Variants in ACTN2 observed in about 807,000 individuals in gnomAD.
ACTN2 encodes the protein alpha-actinin-2.
A neutral mutation model predicts 113.8 loss-of-function variants in ACTN2; 39 were observed. The observed-to-expected ratio is 0.34, with a 90% confidence interval of 0.27 to 0.45. The LOEUF (loss-of-function observed/expected upper bound fraction) is 0.45, where lower values mean the gene tolerates loss of function less well. ACTN2 is among the 20% of genes least tolerant of loss of function. The probability of loss-of-function intolerance (pLI) is 1.00; values close to 1 mark genes in which losing one functional copy is unlikely to be tolerated. For synonymous variants in ACTN2, 429 were observed against 444.1 expected (o/e 0.97, Z 0.43); for missense variants, 992 against 1,177.9 (o/e 0.84, Z 2.31).
intron 20 of ACTN2, among the ~76,000 whole-genome samples, chr1:236,761,432 CGTGTGTGT>C (rs3831321): frequency 2.9e-4 from 43 of 150,072 alleles, no homozygotes; most frequent in Admixed American, 5.3e-4. Context: ...TTTGTACTTG[CGTGTGTGT>C]GTGTGTGTGT....
intron 1 of ACTN2, among the ~76,000 whole-genome samples, chr1:236,692,677 C>T (rs1054337039): frequency 6.6e-6 from 1 of 152,110 alleles, no homozygotes; most frequent in Non-Finnish European, 1.5e-5. Flanking sequence ...AGTTCTGAGG[C>T]ACAAAAAACA....
chr1:236,755,035 C>T lies in ACTN2; in HGVS notation c.1991C>T (p.Ser664Phe). 1.2e-6 allele frequency: 2 copies of T among 1,614,210 alleles called. No homozygotes were observed. Among genetic ancestry groups the T allele is most frequent in the South Asian group, 1.1e-5 (1 of 91,078 alleles). ...QNKMEEIARSSIQITGALEDQ... is the reference protein window; with the variant it reads ...QNKMEEIARSFIQITGALEDQ... ...CCCCCTCAGGAGATTGCCCGGAGCT[C>T]CATCCAGATCACAGGAGCCCTGGAA... The change falls in exon 17 of 21, where the codon TCC becomes TTC. Residue 664 changes from serine (S) to phenylalanine (F), a missense_variant. Physicochemically the swap from Ser to Phe is radical, Grantham distance 155 (BLOSUM62 -2). Transcript: ENST00000366578.
chr1:236,737,715 G>C (rs1002438975), intron 9 of ACTN2, among the ~76,000 whole-genome samples: 1 of 152,130 alleles, frequency 6.6e-6, no homozygotes, highest in Non-Finnish European at 1.5e-5. Flanking sequence ...GAAATCTGGG[G>C]AAGACAGAGC....
intron 12 of ACTN2, 79 bp downstream of exon 12, chr1:236,744,855 T>G: frequency 6.2e-7 from 1 of 1,601,310 alleles, no homozygotes; most frequent in Non-Finnish European, 8.5e-7. Context: ...GCCTTGCCTT[T>G]CCTGACTAAA....
chr1:236,740,539 ATTTT>A lies in ACTN2; in HGVS notation c.1107+1009_1107+1012del, dbSNP rs148967847. 2.8e-3 allele frequency among the ~76,000 whole-genome samples: 427 copies of A among 150,918 alleles called. 4 individuals carry two copies. Among genetic ancestry groups the A allele is most frequent in the African/African-American group, 9.6e-3 (394 of 41,078 alleles). On this transcript the variant is annotated intron_variant, in intron 10 of 20. Coordinates refer to ENST00000366578, the MANE Select transcript of ACTN2 (RefSeq NM_001103.4). ...GTCAGAGCAAGTCATTTTTATTTTT[ATTTT>A]TATTTTTGAGACAGAGTCTCACTTT...
intron 8 of ACTN2, among the ~76,000 whole-genome samples, chr1:236,736,345 T>G (rs755298979): frequency 2.0e-5 from 3 of 152,212 alleles, no homozygotes; most frequent in Non-Finnish European, 4.4e-5. Context: ...GTGACCGCTG[T>G]GAAGCCCATC....
chr1:236,713,438 G>A (rs1658109432), intron 1 of ACTN2, among the ~76,000 whole-genome samples: 2 of 152,212 alleles, frequency 1.3e-5, no homozygotes, highest in Non-Finnish European at 2.9e-5. Flanking sequence ...TGTTGGTCAG[G>A]CTGGTCTTGC....
chr1:236,757,569 T>C lies in ACTN2; in HGVS notation c.2238T>C (p.Asp746=), dbSNP rs759264655. ...NEVETQILTR[D]AKGITQEQMN... Reference sequence around the variant, plus strand: ...TGGAGACTCAGATCCTGACGAGAGATGCGAAGGGCATCACCCAGGAGCAGA... The same window carrying C: ...TGGAGACTCAGATCCTGACGAGAGACGCGAAGGGCATCACCCAGGAGCAGA... Residue 746 remains aspartate, a synonymous_variant, in exon 18 of 21, where the codon GAT becomes GAC. Transcript: ENST00000366578. 1.2e-6 allele frequency: 2 copies of C among 1,614,180 alleles called. No individual in the cohort carries two copies. Among genetic ancestry groups the C allele is most frequent in the Non-Finnish European group, 1.7e-6 (2 of 1,180,044 alleles).
At chr1:236,709,766 C>T (rs937217256) in intron 1 of ACTN2, among the ~76,000 whole-genome samples, 5 of 152,180 alleles carry the variant, frequency 3.3e-5, no homozygotes, top group Non-Finnish European at 7.3e-5. Flanking sequence ...CCTGCTCACC[C>T]CTGAGTTTTC....
chr1:236,752,085 A>T (rs958601324), intron 15 of ACTN2, among the ~76,000 whole-genome samples: 2 of 152,202 alleles, frequency 1.3e-5, no homozygotes, highest in Non-Finnish European at 2.9e-5. Flanking sequence ...AGAAAACGAC[A>T]TCTTGGGAAT....
chr1:236,734,598 TC>T (rs1553301867), intron 7 of ACTN2: 43 of 1,026,400 alleles, frequency 4.2e-5, no homozygotes, highest in Middle Eastern at 2.1e-4. Flanking sequence ...TCCTCTTTTT[TC>T]CCCCCTCTCC....
chr1:236,726,057 T>TG (rs1231053101), intron 5 of ACTN2, 37 bp downstream of exon 5: 2 of 1,558,136 alleles, frequency 1.3e-6, no homozygotes, highest in South Asian at 2.2e-5. Flanking sequence ...GTATTCTCAG[T>TG]GGAATCTGTG....
intron 12 of ACTN2, among the ~76,000 whole-genome samples, chr1:236,745,195 G>A (rs944491637): frequency 1.3e-5 from 2 of 152,196 alleles, no homozygotes; most frequent in African/African-American, 4.8e-5. Context: ...AGCACTTTGG[G>A]AGGCTGAGGC....
intron 1 of ACTN2, among the ~76,000 whole-genome samples, chr1:236,700,739 A>G (rs1405414545): frequency 6.6e-6 from 1 of 152,190 alleles, no homozygotes; most frequent in Non-Finnish European, 1.5e-5. Flanking sequence ...CAGCCAGAGG[A>G]AGGAGCAGAA....
intron 1 of ACTN2, among the ~76,000 whole-genome samples, chr1:236,692,719 G>A (rs891109054): frequency 4.6e-5 from 7 of 152,206 alleles, no homozygotes; most frequent in African/African-American, 1.7e-4. Context: ...TTGGGACACC[G>A]TGATGTGTCC....
At position 236,736,637 on chromosome 1, in the gene ACTN2, TGAG is replaced by T. The variant is rs932239847; in HGVS notation, c.784-480_784-478del. Reference sequence around the variant, plus strand: ...AGTTCTACATGTTCATATCAGGAGATGAGGAGGTCTTCAGTGAATTCAAGTGCA... The same window carrying T: ...AGTTCTACATGTTCATATCAGGAGATGAGGTCTTCAGTGAATTCAAGTGCA... On this transcript the variant is annotated intron_variant, in intron 8 of 20. Transcript: ENST00000366578. The T allele has an allele frequency of 1.2e-5, 19 of 1,534,550 alleles. No homozygotes were observed. In the African/African-American group the frequency reaches 1.9e-4, roughly 15 times the overall value.
chr1:236,692,763 A>T (rs1270635808), intron 1 of ACTN2, among the ~76,000 whole-genome samples: 1 of 143,440 alleles, frequency 7.0e-6, no homozygotes, highest in Non-Finnish European at 1.5e-5. Flanking sequence ...CACATTCACC[A>T]GGTAAGAAAC....
chr1:236,699,629 G>A (rs766984402), intron 1 of ACTN2, among the ~76,000 whole-genome samples: 4 of 152,168 alleles, frequency 2.6e-5, no homozygotes, highest in Admixed American at 1.3e-4. Flanking sequence ...ATCCTCCTAC[G>A]GGTGCCGTGT....
At chr1:236,760,538 C>T (rs746927844) in intron 19 of ACTN2, among the ~76,000 whole-genome samples, 5 of 152,172 alleles carry the variant, frequency 3.3e-5, no homozygotes, top group African/African-American at 4.8e-5. Context: ...TGGGATAGTC[C>T]TAGTATATCA....
Sources: gnomAD v4.1 joint callset for allele counts (sites outside exome capture counted in the v4.1 genomes callset) on GRCh38, gnomAD v4.1.1 for gene constraint, MANE v1.5 for transcripts, NCBI Gene and HGNC (gene_info 2026-07-23, HGNC 2026-07-21) for gene names.